PSMB7: variants seen among roughly 807,000 people sequenced by gnomAD.
PSMB7 encodes the protein proteasome 20S subunit beta 7.
A neutral mutation model predicts 28.1 loss-of-function variants in PSMB7; 5 were observed. The observed-to-expected ratio is 0.18, with a 90% CI of 0.09 to 0.37. PSMB7 has a LOEUF of 0.37. PSMB7 is among the 10% of genes least tolerant of loss of function. PSMB7 has a pLI of 1.00. For synonymous variants in PSMB7, 122 were observed against 123.7 expected (o/e 0.99, Z 0.09); for missense variants, 275 against 346.2 (o/e 0.79, Z 1.63).
chr9:124,410,457 GAA>G (rs550093643), intron 4 of PSMB7, among the ~76,000 whole-genome samples: 6 of 152,042 alleles, frequency 3.9e-5, no homozygotes, highest in Admixed American at 2.0e-4. Context: ...ACATCGTGTA[GAA>G]AAAAAGTTTT....
chr9:124,361,810 G>C (rs771613249), intron 6 of PSMB7, among the ~76,000 whole-genome samples: 3 of 152,208 alleles, frequency 2.0e-5, no homozygotes, highest in Non-Finnish European at 4.4e-5. Flanking sequence ...CAAACTGATA[G>C]ATTACCTCGG....
At chr9:124,393,590 A>C (rs1830811464) in intron 5 of PSMB7, among the ~76,000 whole-genome samples, 1 of 152,206 alleles carries the variant, frequency 6.6e-6, no homozygotes, top group Admixed American at 6.5e-5. Context: ...TCCTCAAAAA[A>C]CGGAGTTCCT....
intron 3 of PSMB7, among the ~76,000 whole-genome samples, 186 bp downstream of exon 3, chr9:124,413,722 T>C (rs541419743): frequency 6.6e-5 from 10 of 152,256 alleles, no homozygotes; most frequent in East Asian, 3.9e-4. Context: ...ACCAATTCAA[T>C]TGGAGACTGA....
chr9:124,401,525 CTTCT>C (rs890978147), intron 5 of PSMB7, among the ~76,000 whole-genome samples: 4 of 152,262 alleles, frequency 2.6e-5, no homozygotes, highest in African/African-American at 9.6e-5. Context: ...TCCAATCCTC[CTTCT>C]AAGACTCGGC....
intron 4 of PSMB7, among the ~76,000 whole-genome samples, chr9:124,409,040 G>A (rs1830997400): frequency 6.6e-6 from 1 of 152,154 alleles, no homozygotes; most frequent in Non-Finnish European, 1.5e-5. Context: ...AACCTTGAAG[G>A]GTGTGTAACA....
Position 124,353,499 on chromosome 9 carries a change from G to T in PSMB7, c.*99C>A. ...CAATTTGGTTTTTGTTTTTTATTGA[G>T]TTGAGTTTCATTCGGCAAACACTAG... On this transcript the variant is annotated 3_prime_UTR_variant, in exon 8 of 8. Coordinates refer to ENST00000259457, the MANE Select transcript of PSMB7 (RefSeq NM_002799.4). 1.0e-6 allele frequency: 1 copy of T among 956,862 alleles called. No individual in the cohort carries two copies. The allele number at this position is 956,862 out of a possible 1,614,324, so 59.3% of individuals were successfully genotyped here.
intron 6 of PSMB7, among the ~76,000 whole-genome samples, chr9:124,377,839 G>T (rs1830628626): frequency 6.6e-6 from 1 of 152,172 alleles, no homozygotes; most frequent in African/African-American, 2.4e-5. Flanking sequence ...CCTCGGTATT[G>T]CAACCAGAGA....
chr9:124,353,944 TTGG>T (rs1160788245), intron 7 of PSMB7, among the ~76,000 whole-genome samples: 1 of 151,922 alleles, frequency 6.6e-6, no homozygotes, highest in African/African-American at 2.4e-5. Flanking sequence ...CACCTGGCCC[TTGG>T]TGGACACGTG....
intron 5 of PSMB7, among the ~76,000 whole-genome samples, chr9:124,387,500 C>T (rs1830737401): frequency 6.7e-6 from 1 of 150,094 alleles, no homozygotes. Context: ...CACACACACA[C>T]ACTCTCTCTC....
chr9:124,410,010 ATTT>A (rs11396783), intron 4 of PSMB7, among the ~76,000 whole-genome samples: 1 of 144,728 alleles, frequency 6.9e-6, no homozygotes, highest in Admixed American at 6.9e-5. Context: ...AGAATTTAGA[ATTT>A]TTTTTTTTTT....
At chr9:124,363,927 A>G (rs73666874) in intron 6 of PSMB7, among the ~76,000 whole-genome samples, 2,385 of 152,286 alleles carry the variant, frequency 0.016, 69 homozygotes, top group African/African-American at 0.053. Context: ...AGGGTAGCCC[A>G]GAATGAGGAC....
intron 6 of PSMB7, among the ~76,000 whole-genome samples, chr9:124,359,740 G>A (rs1363333586): frequency 6.6e-6 from 1 of 152,118 alleles, no homozygotes. Context: ...TTCTCTCTGG[G>A]CCAACCAGCA....
At chr9:124,388,779 C>T (rs1830753209) in intron 5 of PSMB7, among the ~76,000 whole-genome samples, 1 of 152,178 alleles carries the variant, frequency 6.6e-6, no homozygotes, top group Non-Finnish European at 1.5e-5. Context: ...TCAAGCCTAT[C>T]TCACAGAGCA....
At chr9:124,411,902 T>C (rs1269199259) in intron 4 of PSMB7, among the ~76,000 whole-genome samples, 1 of 151,798 alleles carries the variant, frequency 6.6e-6, no homozygotes, top group Non-Finnish European at 1.5e-5. Context: ...ATTAATATTA[T>C]CATACCCACT....
intron 3 of PSMB7, among the ~76,000 whole-genome samples, chr9:124,413,153 CAAAAAAA>C (rs61132576): frequency 8.5e-5 from 4 of 47,230 alleles, no homozygotes; most frequent in Admixed American, 3.0e-4. Context: ...GCATCTCTCC[CAAAAAAA>C]AAAAAAAAAA....
rs1331500799 is a variant in PSMB7, at chr9:124,391,316, G to A, written c.512-6660C>T. Among the ~76,000 whole-genome samples, 6 of 152,194 alleles carry A rather than the reference G, an allele frequency of 3.9e-5. No homozygotes were observed. In the South Asian group the frequency reaches 6.2e-4, roughly 16 times the overall value. ...AGATCTTTCTGAATTTAAAGTGTGC[G>A]ATGTTCTTTCCATTCCACCACGTTT... On this transcript the variant is annotated intron_variant, in intron 5 of 7. Coordinates refer to ENST00000259457, the MANE Select transcript of PSMB7 (RefSeq NM_002799.4).
chr9:124,367,820 C>T (rs1471520137), intron 6 of PSMB7, among the ~76,000 whole-genome samples: 1 of 152,166 alleles, frequency 6.6e-6, no homozygotes, highest in Non-Finnish European at 1.5e-5. Flanking sequence ...AGGAAATCCA[C>T]AATGAATGCT....
At chr9:124,399,157 A>C (rs1272474433) in intron 5 of PSMB7, among the ~76,000 whole-genome samples, 1 of 152,238 alleles carries the variant, frequency 6.6e-6, no homozygotes, top group Non-Finnish European at 1.5e-5. Context: ...ACAGCGGCTA[A>C]GGTTTCTAAC....
chr9:124,412,277 AG>A, intron 4 of PSMB7, 74 bp downstream of exon 4: 1 of 1,436,784 alleles, frequency 7.0e-7, no homozygotes, highest in Non-Finnish European at 9.6e-7. Context: ...GCTACTTTCC[AG>A]GCTTCTCTTG....
Sources: gnomAD v4.1 joint callset for allele counts (sites outside exome capture counted in the v4.1 genomes callset) on GRCh38, gnomAD v4.1.1 for gene constraint, MANE v1.5 for transcripts, NCBI Gene and HGNC (gene_info 2026-07-23, HGNC 2026-07-21) for gene names.